Variants in ZNF136 observed in about 807,000 individuals in gnomAD.
ZNF136 encodes the protein zinc finger protein 136 (clone pHZ-20).
A neutral mutation model predicts 11.4 loss-of-function variants in ZNF136; 8 were observed. The ratio of observed to expected loss-of-function variants is 0.70; its 90% CI spans 0.41 to 1.27. ZNF136 has a LOEUF of 1.27. ZNF136 is among the 50% of genes most tolerant of loss of function. The pLI, the probability that ZNF136 is intolerant of heterozygous loss-of-function variation, is 0.01. For synonymous variants in ZNF136, 190 were observed against 207.1 expected, an observed-to-expected ratio of 0.92 and a Z score of 0.71; for missense variants, 590 against 656.5, an observed-to-expected ratio of 0.90 and a Z score of 1.11.
chr19:12,165,180 A>G (rs560345172), intron 1 of ZNF136, among the ~76,000 whole-genome samples: 1 of 152,270 alleles, frequency 6.6e-6, no homozygotes, highest in East Asian at 1.9e-4. Context: ...AACCTGAAAA[A>G]CAAAATGCAC....
rs751643668 is a variant in ZNF136, at chr19:12,186,569, G to C, written c.192-1G>C. 6.3e-7 allele frequency: 1 copy of C among 1,587,728 alleles called. No individual in the cohort carries two copies. Among genetic ancestry groups the C allele is most frequent in the Non-Finnish European group, 8.6e-7 (1 of 1,167,544 alleles). On this transcript the variant is annotated splice_acceptor_variant, in intron 3 of 3. Coordinates refer to ENST00000343979, the MANE Select transcript of ZNF136 (RefSeq NM_003437.5). LOFTEE classifies it high-confidence loss of function. ...AGTAATGTCCGTCTCATTTTTTACA[G>C]AAGTCATATGTTAGAAAGACTCTAT...
At chr19:12,170,077 A>C (rs922129360) in intron 1 of ZNF136, among the ~76,000 whole-genome samples, 4 of 137,606 alleles carry the variant, frequency 2.9e-5, no homozygotes, top group African/African-American at 8.0e-5. Context: ...TACAGGCGTG[A>C]GCCACCACGC....
At chr19:12,170,680 T>C (rs1486860036) in intron 1 of ZNF136, among the ~76,000 whole-genome samples, 1 of 151,780 alleles carries the variant, frequency 6.6e-6, no homozygotes, top group African/African-American at 2.4e-5. Context: ...TTTTTTTTTT[T>C]TTCGAGACGG....
chr19:12,168,155 C>CT (rs1380956513), intron 1 of ZNF136, among the ~76,000 whole-genome samples: 1 of 130,738 alleles, frequency 7.6e-6, no homozygotes, highest in East Asian at 2.7e-4. Context: ...TCACTCTGAT[C>CT]TCTGCCTCCT....
chr19:12,172,021 C>G (rs1402399961), intron 1 of ZNF136, among the ~76,000 whole-genome samples: 1 of 150,228 alleles, frequency 6.7e-6, no homozygotes, highest in Non-Finnish European at 1.5e-5. Context: ...CTCTGCCACC[C>G]AGGCTGGAGT....
chr19:12,184,098 T>G (rs1475365381), intron 1 of ZNF136, among the ~76,000 whole-genome samples: 1 of 150,726 alleles, frequency 6.6e-6, no homozygotes, highest in Admixed American at 6.6e-5. Context: ...AAACCCCATC[T>G]CTATTAAACA....
chr19:12,170,163 T>G (rs141849093), intron 1 of ZNF136, among the ~76,000 whole-genome samples: 2 of 126,758 alleles, frequency 1.6e-5, no homozygotes, highest in South Asian at 5.6e-4. Flanking sequence ...CTCCTGACCT[T>G]GTGATTCACC....
At chr19:12,175,979 A>C (rs1043120676) in intron 1 of ZNF136, among the ~76,000 whole-genome samples, 3 of 152,224 alleles carry the variant, frequency 2.0e-5, no homozygotes, top group African/African-American at 7.2e-5. Flanking sequence ...TTTAAAAAGT[A>C]ATACGCATTT....
Position 12,187,029 on chromosome 19 carries a change from T to C in ZNF136, c.651T>C (p.Ser217=). 2 of 1,614,108 alleles carry C rather than the reference T, an allele frequency of 1.2e-6. No homozygotes were observed. The highest frequency in any genetic ancestry group is 2.2e-5 in the South Asian group (2 of 91,080). The change falls in exon 4 of 4, where the codon AGT becomes AGC. Residue 217 remains serine (S), a synonymous_variant. Transcript: ENST00000343979. ...GTAGATTTCGAACACATGAAAGAAG[T>C]CACACTGGAGAGAAACCCTATGAAT... ...YPSRFRTHER[S]HTGEKPYECQ... is the part of the protein sequence containing the mutation.
At chr19:12,174,811 A>AT (rs1163744403) in intron 1 of ZNF136, among the ~76,000 whole-genome samples, 1 of 135,046 alleles carries the variant, frequency 7.4e-6, no homozygotes, top group Admixed American at 7.3e-5. Flanking sequence ...AATTTTTTGT[A>AT]TTTTTACTAG....
Position 12,183,213 on chromosome 19 carries a change from C to T in ZNF136, c.4-2572C>T, listed in dbSNP as rs117291803. 2.4e-3 allele frequency among the ~76,000 whole-genome samples: 358 copies of T among 151,994 alleles called. 8 individuals carry two copies. In the East Asian group the frequency reaches 0.05, roughly 21 times the overall value. On this transcript the variant is annotated intron_variant, in intron 1 of 3. Transcript: ENST00000343979. The stretch of plus-strand genomic sequence containing the variant: ...AGGCTGGAGTTCAGTGGCACAATCA[C>T]GTCTCACTGCAACCTCCACCTCCCC...
At chr19:12,173,374 G>A (rs986416123) in intron 1 of ZNF136, among the ~76,000 whole-genome samples, 9 of 152,026 alleles carry the variant, frequency 5.9e-5, no homozygotes, top group African/African-American at 1.7e-4. Flanking sequence ...TGTATAAAAC[G>A]CCATGCTTTT....
intron 1 of ZNF136, among the ~76,000 whole-genome samples, chr19:12,168,898 G>A (rs1396149534): frequency 6.6e-6 from 1 of 151,724 alleles, no homozygotes; most frequent in African/African-American, 2.4e-5. Context: ...CGCTGGTCTC[G>A]AACTCCTGAC....
chr19:12,165,952 G>A (rs1002351924), intron 1 of ZNF136, among the ~76,000 whole-genome samples: 2 of 152,162 alleles, frequency 1.3e-5, no homozygotes, highest in African/African-American at 4.8e-5. Flanking sequence ...TGCTGGCTGG[G>A]TGCGGTGGCT....
rs567690209 is a variant in ZNF136, at chr19:12,172,192, A to G, written c.3+8986A>G. Among the ~76,000 whole-genome samples, 43 of 151,902 alleles carry G rather than the reference A, an allele frequency of 2.8e-4. 1 individual carries two copies. Among genetic ancestry groups the G allele is most frequent in the Admixed American group, 2.6e-3 (40 of 15,236 alleles). Reference sequence around the variant, plus strand: ...CAGGGTTCCTGACCTCAAGTGATCTACTTGCCTTGGCCTCCCAACATGCTG... The same window carrying G: ...CAGGGTTCCTGACCTCAAGTGATCTGCTTGCCTTGGCCTCCCAACATGCTG... On this transcript the variant is annotated intron_variant, in intron 1 of 3. Transcript: ENST00000343979.
At chr19:12,172,229 G>T (rs180695673) in intron 1 of ZNF136, among the ~76,000 whole-genome samples, 10 of 152,054 alleles carry the variant, frequency 6.6e-5, no homozygotes. Context: ...GATTACAGAC[G>T]TGAGCCACTG....
chr19:12,168,498 G>A (rs1427427566), intron 1 of ZNF136, among the ~76,000 whole-genome samples: 2 of 152,082 alleles, frequency 1.3e-5, no homozygotes, highest in Non-Finnish European at 2.9e-5. Context: ...TGTTCTAGGA[G>A]GGTGGTACTC....
intron 1 of ZNF136, among the ~76,000 whole-genome samples, chr19:12,179,627 A>G (rs937373830): frequency 6.6e-6 from 1 of 151,794 alleles, no homozygotes; most frequent in Non-Finnish European, 1.5e-5. Flanking sequence ...AATTTCTTCT[A>G]GGACGTGTGC....
chr19:12,186,037 G>T (rs1915072601), intron 2 of ZNF136, 77 bp from the exon 3 acceptor site: 2 of 1,592,012 alleles, frequency 1.3e-6, no homozygotes, highest in South Asian at 1.1e-5. Context: ...ATAGTCACAG[G>T]GTATCATGAA....
Sources: allele counts gnomAD v4.1 joint callset (sites outside exome capture counted in the v4.1 genomes callset), GRCh38; gene constraint gnomAD v4.1.1; transcripts MANE v1.5; gene names NCBI Gene and HGNC (gene_info 2026-07-23, HGNC 2026-07-21).